CHCHD6: variants seen among roughly 807,000 people sequenced by gnomAD.
The protein encoded by CHCHD6 is coiled-coil-helix-coiled-coil-helix domain containing 6, also known as MICOS complex subunit MIC25.
In CHCHD6, 28 loss-of-function variants were observed where a neutral mutation model predicts 32.3. The ratio of observed to expected loss-of-function variants is 0.87; its 90% CI spans 0.64 to 1.19. The LOEUF is 1.19. Ranked by LOEUF, CHCHD6 falls within the 50% of genes most tolerant of loss-of-function variation. CHCHD6 has a pLI of 0.00. For synonymous variants in CHCHD6, 122 were observed against 117.5 expected (o/e 1.04, Z -0.25); for missense variants, 333 against 307.0 (o/e 1.08, Z -0.63).
intron 6 of CHCHD6, 92 bp from the exon 7 acceptor site, chr3:126,957,324 G>T (rs544518990): frequency 6.9e-7 from 1 of 1,440,916 alleles, no homozygotes; most frequent in Non-Finnish European, 9.5e-7. Context: ...TTAGCCTAGC[G>T]CCTGGGAGGT....
At chr3:126,793,880 T>C (rs941384703) in intron 4 of CHCHD6, among the ~76,000 whole-genome samples, 14 of 152,200 alleles carry the variant, frequency 9.2e-5, no homozygotes, top group African/African-American at 2.9e-4. Context: ...TATAGACTGT[T>C]GGGTTAACAA....
chr3:126,720,090 C>T lies in CHCHD6; in HGVS notation c.88-6988C>T, dbSNP rs892792052. ...GAGACGTGGGTTTCACCATGTTGAC[C>T]AGGCTGGTCTTGAACTCCTGACCTC... is the stretch of plus-strand genomic sequence containing the variant. On this transcript the variant is annotated intron_variant, in intron 1 of 7. Transcript: ENST00000290913. Among the ~76,000 whole-genome samples, 4 of 152,260 alleles carry T rather than the reference C, an allele frequency of 2.6e-5. No individual in the cohort carries two copies. The East Asian group carries it at 7.7e-4, about 29-fold the overall frequency.
At chr3:126,947,674 G>C (rs1441480719) in intron 6 of CHCHD6, among the ~76,000 whole-genome samples, 6 of 152,164 alleles carry the variant, frequency 3.9e-5, no homozygotes, top group African/African-American at 1.2e-4. Context: ...AGGAAGCCCT[G>C]ACAGGCAGAA....
intron 6 of CHCHD6, among the ~76,000 whole-genome samples, chr3:126,939,490 G>A (rs2078528827): frequency 6.6e-6 from 1 of 152,200 alleles, no homozygotes; most frequent in Admixed American, 6.5e-5. Flanking sequence ...GTGTGTGTTT[G>A]TGTGTGTGCC....
At chr3:126,960,063 T>G in intron 7 of CHCHD6, 133 bp from the exon 8 acceptor site, 1 of 1,008,312 alleles carries the variant, frequency 9.9e-7, no homozygotes. Flanking sequence ...CACTGATGGG[T>G]CTCCAGGTGA....
rs553677166 is a variant in CHCHD6, at chr3:126,792,773, G to T, written c.411+59551G>T. Among the ~76,000 whole-genome samples the T allele has an allele frequency of 2.0e-5, 3 of 152,126 alleles. No homozygotes were observed. The South Asian group carries it at 6.2e-4, about 32-fold the overall frequency. On this transcript the variant is annotated intron_variant, in intron 4 of 7. Coordinates refer to ENST00000290913, the MANE Select transcript of CHCHD6 (RefSeq NM_032343.3). ...TCAGATTCAATTTTTTATGGTTGTT[G>T]TTCAGTTCTTCTATATTCTTGTTAA...
At chr3:126,722,497 G>A (rs532182237) in intron 1 of CHCHD6, among the ~76,000 whole-genome samples, 3 of 152,204 alleles carry the variant, frequency 2.0e-5, no homozygotes, top group South Asian at 2.1e-4. Flanking sequence ...AGCCATCCTC[G>A]TGGGTGTGAT....
intron 4 of CHCHD6, among the ~76,000 whole-genome samples, chr3:126,833,852 G>A (rs1940739657): frequency 1.3e-5 from 2 of 151,636 alleles, no homozygotes; most frequent in South Asian, 2.1e-4. Context: ...TCAGGAGATC[G>A]AGACCATCCC....
chr3:126,731,794 G>C (rs1935814452), intron 3 of CHCHD6, among the ~76,000 whole-genome samples: 1 of 152,128 alleles, frequency 6.6e-6, no homozygotes, highest in South Asian at 2.1e-4. Context: ...AACTCACCTG[G>C]CCAGGTGTGG....
At chr3:126,938,136 A>C (rs1177038030) in intron 6 of CHCHD6, among the ~76,000 whole-genome samples, 1 of 152,238 alleles carries the variant, frequency 6.6e-6, no homozygotes, top group African/African-American at 2.4e-5. Context: ...AGTCCAGGCT[A>C]TGACAGAATC....
chr3:126,765,982 G>A (rs1267836482), intron 4 of CHCHD6, among the ~76,000 whole-genome samples: 1 of 152,158 alleles, frequency 6.6e-6, no homozygotes, highest in Non-Finnish European at 1.5e-5. Context: ...GAAGCAGGCC[G>A]GTGACTTTGC....
At chr3:126,845,516 A>C (rs1941264735) in intron 4 of CHCHD6, among the ~76,000 whole-genome samples, 1 of 152,110 alleles carries the variant, frequency 6.6e-6, no homozygotes, top group Non-Finnish European at 1.5e-5. Flanking sequence ...AACTCCAGAG[A>C]ATTCTTGGCC....
At chr3:126,924,805 G>T (rs2107595668) in intron 6 of CHCHD6, among the ~76,000 whole-genome samples, 1 of 152,266 alleles carries the variant, frequency 6.6e-6, no homozygotes, top group South Asian at 2.1e-4. Flanking sequence ...AGAATGGGTG[G>T]GCCTGGAGGA....
chr3:126,936,658 C>T (rs1216691428), intron 6 of CHCHD6, among the ~76,000 whole-genome samples: 2 of 152,082 alleles, frequency 1.3e-5, no homozygotes, highest in Admixed American at 6.5e-5. Context: ...CAGGTTCAAG[C>T]GATTCTCCTA....
intron 1 of CHCHD6, among the ~76,000 whole-genome samples, chr3:126,722,308 A>T (rs191393496): frequency 2.6e-5 from 4 of 152,256 alleles, no homozygotes; most frequent in Non-Finnish European, 5.9e-5. Flanking sequence ...GGCATGTGGC[A>T]CCACACCTGG....
intron 4 of CHCHD6, among the ~76,000 whole-genome samples, chr3:126,817,716 C>T (rs958331115): frequency 6.6e-6 from 1 of 152,172 alleles, no homozygotes; most frequent in Admixed American, 6.5e-5. Flanking sequence ...TGAGACCTGG[C>T]GGCCTCTGAA....
intron 4 of CHCHD6, among the ~76,000 whole-genome samples, chr3:126,786,705 T>C (rs1327919709): frequency 2.0e-5 from 3 of 152,212 alleles, no homozygotes; most frequent in Non-Finnish European, 4.4e-5. Flanking sequence ...TTTGAGATCA[T>C]TGTAGATTCT....
At chr3:126,862,442 C>T (rs1941955612) in intron 5 of CHCHD6, among the ~76,000 whole-genome samples, 1 of 129,112 alleles carries the variant, frequency 7.7e-6, no homozygotes. Flanking sequence ...TCCTCCTCCA[C>T]CATCACCACC....
At chr3:126,901,865 G>C (rs764125849) in intron 5 of CHCHD6, among the ~76,000 whole-genome samples, 20 of 152,220 alleles carry the variant, frequency 1.3e-4, no homozygotes, top group Non-Finnish European at 2.1e-4. Context: ...CACTCATTGA[G>C]TGCTTGTTGC....
Sources: gnomAD v4.1 joint callset for allele counts (sites outside exome capture counted in the v4.1 genomes callset) on GRCh38, gnomAD v4.1.1 for gene constraint, MANE v1.5 for transcripts, NCBI Gene and HGNC (gene_info 2026-07-23, HGNC 2026-07-21) for gene names.